Variants in CNMD observed in about 807,000 individuals in gnomAD.
CNMD encodes the protein leukocyte cell-derived chemotaxin 1.
CNMD carries 30 observed loss-of-function variants against 37.5 expected under a neutral mutation model. That is an observed-to-expected ratio of 0.80 (90% CI 0.60 to 1.09). The LOEUF (loss-of-function observed/expected upper bound fraction) is 1.09, where lower values mean the gene tolerates loss of function less well. CNMD is among the 50% of genes least tolerant of loss of function. CNMD has a pLI of 0.00. For synonymous variants in CNMD, 167 were observed against 148.2 expected (o/e 1.13, Z -0.92); for missense variants, 398 against 423.9 (o/e 0.94, Z 0.54).
intron 6 of CNMD, among the ~76,000 whole-genome samples, chr13:52,707,914 C>G (rs1349771182): frequency 2.0e-5 from 3 of 151,670 alleles, no homozygotes; most frequent in Admixed American, 2.0e-4. Flanking sequence ...TCGAGAACAG[C>G]CTGCCCAACA....
At chr13:52,712,909 T>C in intron 4 of CNMD, 40 bp from the exon 5 acceptor site, 1 of 1,458,802 alleles carries the variant, frequency 6.9e-7, no homozygotes, top group Non-Finnish European at 9.1e-7. Flanking sequence ...AAGAGGACAG[T>C]GAAACAAATT....
chr13:52,704,677 C>G (rs1379227973), intron 6 of CNMD, among the ~76,000 whole-genome samples: 1 of 152,084 alleles, frequency 6.6e-6, no homozygotes, highest in East Asian at 1.9e-4. Context: ...ATTCTTGATT[C>G]AATTTAAGAT....
chr13:52,738,992 G>A, intron 2 of CNMD, 39 bp downstream of exon 2: 2 of 1,522,648 alleles, frequency 1.3e-6, no homozygotes, highest in Non-Finnish European at 1.8e-6. Context: ...GGCACCATGG[G>A]CGACACGGGG....
intron 5 of CNMD, among the ~76,000 whole-genome samples, chr13:52,712,261 G>A (rs1964301451): frequency 6.6e-6 from 1 of 152,210 alleles, no homozygotes; most frequent in Admixed American, 6.5e-5. Context: ...CTGAACTTGA[G>A]AGGAATCTCA....
At chr13:52,733,964 T>G (rs1184668454) in intron 2 of CNMD, among the ~76,000 whole-genome samples, 1 of 152,238 alleles carries the variant, frequency 6.6e-6, no homozygotes, top group Non-Finnish European at 1.5e-5. Context: ...ATGCTTGATA[T>G]AGAGCAGCAT....
chr13:52,729,560 C>G (rs1462396209), intron 3 of CNMD, among the ~76,000 whole-genome samples: 2 of 152,214 alleles, frequency 1.3e-5, no homozygotes, highest in Non-Finnish European at 2.9e-5. Context: ...GTGGCATTGA[C>G]AGTCATTCAG....
At chr13:52,714,362 TACTG>T (rs1257934946) in intron 4 of CNMD, among the ~76,000 whole-genome samples, 1 of 152,194 alleles carries the variant, frequency 6.6e-6, no homozygotes, top group Non-Finnish European at 1.5e-5. Context: ...AGTTTTCTGT[TACTG>T]ACAGCCAAAC....
At position 52,739,548 on chromosome 13, in the gene CNMD, G is replaced by C. The variant is rs1309893010; in HGVS notation, c.72+82C>G. 19 of 1,253,452 alleles carry C rather than the reference G, an allele frequency of 1.5e-5. No individual in the cohort carries two copies. Among genetic ancestry groups the C allele is most frequent in the Non-Finnish European group, 2.0e-5 (17 of 856,784 alleles). 77.6% of individuals were successfully genotyped at this position (1,253,452 alleles called of 1,614,324 possible). On this transcript the variant is annotated intron_variant, in intron 1 of 6. Transcript: ENST00000377962. This position sits in a 1 kb window ranked among gnomAD's most constrained non-coding sequence, Gnocchi z 5.4. ...CCCCCGCCAACACACCCATTCGGTG[G>C]CACGCACCCCTGAGTCCGAACTGTG...
Position 52,739,602 on chromosome 13 carries a change from T to C in CNMD, c.72+28A>G, listed in dbSNP as rs918155742. On this transcript the variant is annotated intron_variant, in intron 1 of 6. Coordinates refer to ENST00000377962, the MANE Select transcript of CNMD (RefSeq NM_007015.3). The surrounding 1 kb of genome is among the most constrained non-coding windows in gnomAD (Gnocchi z 5.4). ...CCTGATACTCACACAACCCAGGCCC[T>C]GCGTGTGGAATCCCTGGCGGTACTC... 5.0e-6 allele frequency: 8 copies of C among 1,600,812 alleles called. No individual in the cohort carries two copies. The highest frequency in any genetic ancestry group is 6.8e-6 in the Non-Finnish European group (8 of 1,167,892).
intron 5 of CNMD, 117 bp downstream of exon 5, chr13:52,712,599 A>C (rs748993805): frequency 1.2e-5 from 7 of 569,694 alleles, no homozygotes; most frequent in Non-Finnish European, 2.0e-5. Context: ...ACACTGCGAC[A>C]TGCATCCTGA....
chr13:52,712,957 C>T lies in CNMD; in HGVS notation c.469-88G>A, dbSNP rs183600958. 1.2e-4 allele frequency: 128 copies of T among 1,091,244 alleles called. No individual in the cohort carries two copies. The African/African-American group carries it at 2.0e-3, about 17-fold the overall frequency. The allele number at this position is 1,091,244 out of a possible 1,614,324, so 67.6% of individuals were successfully genotyped here. ...ATGTGTTGCTAAAAGGTTATTTTGC[C>T]TTATAAAAAATTAATGAGAATTCCG... On this transcript the variant is annotated intron_variant, in intron 4 of 6. Coordinates refer to ENST00000377962, the MANE Select transcript of CNMD (RefSeq NM_007015.3).
At chr13:52,733,139 G>A in intron 3 of CNMD, 80 bp downstream of exon 3, 1 of 1,430,756 alleles carries the variant, frequency 7.0e-7, no homozygotes, top group Non-Finnish European at 9.9e-7. Context: ...ATGTGTGTGA[G>A]AAACGCTGCT....
At chr13:52,738,895 G>GA in intron 2 of CNMD, 136 bp downstream of exon 2, 1 of 697,606 alleles carries the variant, frequency 1.4e-6, no homozygotes. Context: ...GCCAGAGTGG[G>GA]ATGGGAGAGG....
intron 3 of CNMD, among the ~76,000 whole-genome samples, chr13:52,732,643 G>T (rs1304554016): frequency 6.6e-6 from 1 of 152,170 alleles, no homozygotes; most frequent in Non-Finnish European, 1.5e-5. Flanking sequence ...CCCACCTGTT[G>T]TTGATGAGAT....
At chr13:52,723,288 T>G (rs1003352869) in intron 4 of CNMD, among the ~76,000 whole-genome samples, 2 of 152,132 alleles carry the variant, frequency 1.3e-5, no homozygotes, top group Non-Finnish European at 2.9e-5. Flanking sequence ...AGACAGGGTT[T>G]TGCCGTGTTG....
chr13:52,736,185 A>G (rs371187680), intron 2 of CNMD, among the ~76,000 whole-genome samples: 16 of 152,234 alleles, frequency 1.1e-4, no homozygotes, highest in South Asian at 8.3e-4. Context: ...TAGTAGAGAC[A>G]GGGTTTCACT....
intron 3 of CNMD, among the ~76,000 whole-genome samples, chr13:52,726,530 A>C (rs1964577164): frequency 6.6e-6 from 1 of 151,942 alleles, no homozygotes; most frequent in South Asian, 2.1e-4. Context: ...AAAAACATAC[A>C]GAGACTATAC....
Position 52,712,731 on chromosome 13 carries a change from GT to G in CNMD, c.606del (p.Lys202AsnfsTer16). ...AAAATGTTACCTTTTGGATAGGTTG[GT>G]TTAAGCCAGAAAATAGGAAGGTCAC... is the stretch of plus-strand genomic sequence containing the variant. ...LCGDLPIFWL[K>X]PTYPKEIQRE... On this transcript the variant is annotated frameshift_variant, in exon 5 of 7. Transcript: ENST00000377962. LOFTEE classifies it high-confidence loss of function. The G allele has an allele frequency of 1.3e-6, 2 of 1,524,878 alleles. No homozygotes were observed. The highest frequency in any genetic ancestry group is 1.7e-4 in the Middle Eastern group (1 of 5,760). The allele number at this position is 1,524,878 out of a possible 1,614,324, so 94.5% of individuals were successfully genotyped here.
intron 4 of CNMD, among the ~76,000 whole-genome samples, chr13:52,720,031 A>T (rs1198158208): frequency 6.6e-6 from 1 of 151,964 alleles, no homozygotes; most frequent in Non-Finnish European, 1.5e-5. Flanking sequence ...ATTCCTGTTC[A>T]TTCTTTTTTC....
Sources: gnomAD v4.1 joint callset for allele counts (sites outside exome capture counted in the v4.1 genomes callset) on GRCh38, gnomAD v4.1.1 for gene constraint, Gnocchi (gnomAD v3.1) non-coding constraint, MANE v1.5 for transcripts, NCBI Gene and HGNC (gene_info 2026-07-23, HGNC 2026-07-21) for gene names.